Variants in HEMK2 observed in about 807,000 individuals in gnomAD.
HEMK2 encodes HemK methyltransferase 2, ETF1 glutamine and histone H4 lysine, also known as methyltransferase HEMK2.
the HEMK2 span, among the ~76,000 whole-genome samples, chr21:28,584,382 T>C: frequency 6.6e-6 from 1 of 152,164 alleles, no homozygotes; most frequent in African/African-American, 2.4e-5. Flanking sequence ...TTGAGGACAG[T>C]TATAGTTCTG....
chr21:28,672,735 C>A, the HEMK2 span, among the ~76,000 whole-genome samples: 2 of 152,048 alleles, frequency 1.3e-5, no homozygotes, highest in Admixed American at 6.6e-5. Context: ...CAACCAAATG[C>A]CCTGCTCTTT....
At chr21:28,797,092 T>C in the HEMK2 span, among the ~76,000 whole-genome samples, 1 of 152,210 alleles carries the variant, frequency 6.6e-6, no homozygotes, top group East Asian at 1.9e-4. Flanking sequence ...AGATAAGGAA[T>C]TGGTAAACTG....
At chr21:28,610,754 T>C in the HEMK2 span, among the ~76,000 whole-genome samples, 1 of 152,190 alleles carries the variant, frequency 6.6e-6, no homozygotes, top group African/African-American at 2.4e-5. Context: ...GCTATTCTTG[T>C]ATCAGGCGAA....
chr21:28,820,242 GA>G, the HEMK2 span, among the ~76,000 whole-genome samples: 1 of 152,022 alleles, frequency 6.6e-6, no homozygotes, highest in African/African-American at 2.4e-5. Context: ...ATAAAGAGAG[GA>G]ATTGTTTTCC....
At chr21:28,721,532 A>G in the HEMK2 span, among the ~76,000 whole-genome samples, 1 of 152,176 alleles carries the variant, frequency 6.6e-6, no homozygotes, top group African/African-American at 2.4e-5. Context: ...AGAAAACGTT[A>G]CATGGCTTAT....
At chr21:28,639,069 G>C in the HEMK2 span, among the ~76,000 whole-genome samples, 5 of 152,188 alleles carry the variant, frequency 3.3e-5, no homozygotes, top group African/African-American at 1.2e-4. Context: ...AAGAAAGCCA[G>C]TTAGGAGATG....
At chr21:28,773,040 C>A in the HEMK2 span, among the ~76,000 whole-genome samples, 1 of 152,072 alleles carries the variant, frequency 6.6e-6, no homozygotes, top group Non-Finnish European at 1.5e-5. Context: ...TTGTTTGAAG[C>A]GGTTTGCTCA....
chr21:28,831,470 A>AAAGAAC, the HEMK2 span, among the ~76,000 whole-genome samples: 17 of 37,514 alleles, frequency 4.5e-4, no homozygotes, highest in East Asian at 1.6e-3. Flanking sequence ...AACGAAAGAA[A>AAAGAAC]GAAAGAAAGA....
chr21:28,707,019 G>A, the HEMK2 span, among the ~76,000 whole-genome samples: 1 of 152,126 alleles, frequency 6.6e-6, no homozygotes, highest in South Asian at 2.1e-4. Context: ...AAGTCTAGCA[G>A]TTCTCAAACT....
At chr21:28,733,358 T>C in the HEMK2 span, among the ~76,000 whole-genome samples, 1 of 152,190 alleles carries the variant, frequency 6.6e-6, no homozygotes, top group Non-Finnish European at 1.5e-5. Context: ...GTCTTCCATT[T>C]CCCTGTTTGT....
the HEMK2 span, chr21:28,872,860 A>C: frequency 6.6e-6 from 1 of 152,176 alleles, no homozygotes; most frequent in Non-Finnish European, 1.5e-5. Context: ...GATGATGTCC[A>C]CCCACCTTGG....
At chr21:28,795,590 G>GA in the HEMK2 span, among the ~76,000 whole-genome samples, 1 of 152,174 alleles carries the variant, frequency 6.6e-6, no homozygotes, top group South Asian at 2.1e-4. Flanking sequence ...AAAAGGTACA[G>GA]AAAAGAGGGA....
the HEMK2 span, among the ~76,000 whole-genome samples, chr21:28,603,961 G>A: frequency 6.6e-6 from 1 of 152,224 alleles, no homozygotes; most frequent in Non-Finnish European, 1.5e-5. Flanking sequence ...CTTGAATGCA[G>A]CAAGCTCTGC....
At chr21:28,585,247 G>A in the HEMK2 span, among the ~76,000 whole-genome samples, 4,089 of 152,016 alleles carry the variant, frequency 0.027, 178 homozygotes, top group African/African-American at 0.093. Flanking sequence ...CAGGAGAATC[G>A]CTTGAACCTG....
chr21:28,721,335 G>A, the HEMK2 span, among the ~76,000 whole-genome samples: 4 of 152,110 alleles, frequency 2.6e-5, no homozygotes, highest in Admixed American at 1.3e-4. Context: ...GGCTGGTCTC[G>A]AACTCCTGGG....
the HEMK2 span, among the ~76,000 whole-genome samples, chr21:28,622,420 A>C: frequency 5.3e-5 from 8 of 152,314 alleles, no homozygotes; most frequent in South Asian, 2.1e-4. Flanking sequence ...TAATTTATAC[A>C]TTCAATGCTA....
the HEMK2 span, among the ~76,000 whole-genome samples, chr21:28,641,636 C>T: frequency 6.6e-6 from 1 of 152,220 alleles, no homozygotes; most frequent in African/African-American, 2.4e-5. Flanking sequence ...CCCAGCAAAA[C>T]ATAACTAAGT....
the HEMK2 span, among the ~76,000 whole-genome samples, chr21:28,748,781 T>C: frequency 6.6e-6 from 1 of 152,330 alleles, no homozygotes; most frequent in African/African-American, 2.4e-5. Context: ...AGATTGGTAA[T>C]ATTCCTGCCC....
the HEMK2 span, among the ~76,000 whole-genome samples, chr21:28,625,269 A>G: frequency 1.3e-5 from 2 of 152,252 alleles, no homozygotes; most frequent in African/African-American, 4.8e-5. Flanking sequence ...TTTTCTATAA[A>G]GAAAAAAGCT....
Sources: allele counts gnomAD v4.1 joint callset (sites outside exome capture counted in the v4.1 genomes callset), GRCh38; gene constraint gnomAD v4.1.1; transcripts MANE v1.5; gene names NCBI Gene and HGNC (gene_info 2026-07-23, HGNC 2026-07-21).